The following PODNL1 variants were observed in gnomAD, a reference collection of about 807,000 sequenced individuals.
PODNL1 encodes the protein podocan-like protein 1.
A neutral mutation model predicts 45.1 loss-of-function variants in PODNL1; 50 were observed. That is an observed-to-expected ratio of 1.11 (90% CI 0.88 to 1.40). PODNL1 has a LOEUF of 1.40. PODNL1 is among the 40% of genes most tolerant of loss of function. The probability of loss-of-function intolerance (pLI) is 0.00; values close to 1 mark genes in which losing one functional copy is unlikely to be tolerated. For missense variants in PODNL1, 788 were observed against 793.3 expected, an observed-to-expected ratio of 0.99 and a Z score of 0.08; for synonymous variants, 406 against 372.5, an observed-to-expected ratio of 1.09 and a Z score of -1.04.
chr19:13,941,973 C>T (rs1377741524), upstream of PODNL1, among the ~76,000 whole-genome samples: 1 of 152,104 alleles, frequency 6.6e-6, no homozygotes, highest in Non-Finnish European at 1.5e-5. Context: ...TCAAGTACTC[C>T]CCATGGGATG....
At chr19:13,937,481 C>T (rs952989806) in intron 2 of PODNL1, among the ~76,000 whole-genome samples, 2 of 150,816 alleles carry the variant, frequency 1.3e-5, no homozygotes, top group East Asian at 3.9e-4. Flanking sequence ...CCACAACATC[C>T]CCATAACCCC....
Position 13,933,274 on chromosome 19 carries a change from C to G in PODNL1, c.949G>C (p.Gly317Arg). Residue 317 changes from glycine to arginine, a missense_variant, in exon 8 of 10, where the codon GGG becomes CGG. Gly to Arg is a moderately radical substitution (Grantham distance 125). Around this residue, in one of 3 missense-constraint regions of PODNL1, gnomAD observed 762 missense variants for 750.9 expected, o/e 1.01. Transcript: ENST00000588872. This position sits in a 1 kb window ranked among gnomAD's most constrained non-coding sequence, Gnocchi z 5.2. ...RYLLLQHNQL[G>R]SSGLPAGALR... ...GCCCCGGCGGGCAGCCCTGAGCTCC[C>G]CAGCTGGTTGTGCTGCAGCAACAAA... 6.4e-7 allele frequency: 1 copy of G among 1,566,930 alleles called. No homozygotes were observed. The highest frequency in any genetic ancestry group is 8.6e-7 in the Non-Finnish European group (1 of 1,161,514).
chr19:13,931,851 C>A lies in PODNL1; in HGVS notation c.1611G>T (p.Glu537Asp). 1 of 1,231,958 alleles carries A rather than the reference C, an allele frequency of 8.1e-7. No individual in the cohort carries two copies. Among genetic ancestry groups the A allele is most frequent in the Non-Finnish European group, 1.0e-6 (1 of 987,918 alleles). 76.3% of individuals were successfully genotyped at this position (1,231,958 alleles called of 1,614,324 possible). The change falls in exon 10 of 10, where the codon GAG (glutamate) becomes GAT (aspartate). Residue 537 changes from glutamate (E) to aspartate (D), a missense_variant. Around this residue, in one of 3 missense-constraint regions of PODNL1, gnomAD observed 762 missense variants for 750.9 expected, o/e 1.01. Transcript: ENST00000588872. ...NRLHMTSIAA[E>D]AFLGLPNLRV... ...GCAGGTTTGGGAGCCCCAGGAAGGC[C>A]TCAGCCGCGATGCTCGTCATGTGAA... is the stretch of plus-strand genomic sequence containing the variant.
intron 8 of PODNL1, 84 bp from the exon 9 acceptor site, chr19:13,932,196 C>G: frequency 1.6e-6 from 2 of 1,235,838 alleles, no homozygotes; most frequent in Middle Eastern, 6.2e-4. Context: ...CTCTGAGAGT[C>G]CCCTGCCCCC....
At chr19:13,938,468 A>G, upstream of PODNL1, 2 of 1,246,422 alleles carry the variant, frequency 1.6e-6, no homozygotes, top group Non-Finnish European at 2.0e-6. Flanking sequence ...TCGTAACCTC[A>G]GCCAGCCTGG....
upstream of PODNL1, among the ~76,000 whole-genome samples, chr19:13,941,799 C>A (rs1404629182): frequency 6.6e-6 from 1 of 152,024 alleles, no homozygotes; most frequent in African/African-American, 2.4e-5. Flanking sequence ...GGCGACAGTG[C>A]AAGACTCCAT....
chr19:13,932,662 T>C, intron 8 of PODNL1, 136 bp downstream of exon 8: 1 of 1,556,548 alleles, frequency 6.4e-7, no homozygotes, highest in Middle Eastern at 1.7e-4. Flanking sequence ...AGCCTCCTCA[T>C]CACCTTCTAA....
chr19:13,949,098 C>T (rs988721383), intron 1 of PODNL1, among the ~76,000 whole-genome samples: 6 of 151,644 alleles, frequency 4.0e-5, no homozygotes, highest in Non-Finnish European at 2.9e-5. Flanking sequence ...TAGCTGGGAT[C>T]ATAGGAGCCC....
intron 1 of PODNL1, among the ~76,000 whole-genome samples, chr19:13,950,146 T>C (rs1159174895): frequency 2.0e-5 from 3 of 151,336 alleles, no homozygotes; most frequent in Admixed American, 2.0e-4. Flanking sequence ...GGGATTACAG[T>C]CGTGATCCAC....
intron 5 of PODNL1, 69 bp from the exon 6 acceptor site, chr19:13,934,479 C>G: frequency 2.1e-6 from 3 of 1,417,696 alleles, no homozygotes; most frequent in Non-Finnish European, 2.8e-6. Flanking sequence ...CGCACCACAC[C>G]CTGCTCAGGG....
chr19:13,952,922 C>T (rs1320096111), intron 1 of PODNL1: 8 of 854,090 alleles, frequency 9.4e-6, no homozygotes, highest in Non-Finnish European at 1.4e-5. Context: ...CGGAGGGAGG[C>T]GACCCCAGAG....
rs767331005 is a variant in PODNL1, at chr19:13,932,843, G to A, written c.1380C>T (p.Val460=). 67 of 1,612,286 alleles carry A rather than the reference G, an allele frequency of 4.2e-5. No homozygotes were observed. The highest frequency in any genetic ancestry group is 5.1e-5 in the Non-Finnish European group (60 of 1,179,788). Residue 460 remains valine (V), a synonymous_variant, in exon 8 of 10, where the codon GTC becomes GTT. Coordinates refer to ENST00000588872, the MANE Select transcript of PODNL1 (RefSeq NM_001370095.3). ...GCCAGGTGCCTGGCCCGATGTCGCC[G>A]ACCCGGAGCCGGTTGTGCGCCAGGC... is the stretch of plus-strand genomic sequence containing the variant. ...ELSLAHNRLR[V]GDIGPGTWHE... is the part of the protein sequence containing the mutation.
intron 1 of PODNL1, among the ~76,000 whole-genome samples, chr19:13,948,684 G>A (rs535279369): frequency 8.2e-5 from 12 of 146,932 alleles, no homozygotes; most frequent in African/African-American, 2.3e-4. Context: ...TAATCCCAGC[G>A]CTTTGGGAAG....
chr19:13,952,727 G>T, intron 1 of PODNL1: 4 of 1,302,206 alleles, frequency 3.1e-6, no homozygotes, highest in Middle Eastern at 2.9e-4. Context: ...GGCGTTCGCG[G>T]GGTGAGGGGT....
At chr19:13,938,565 G>C (rs1344422744), upstream of PODNL1, 1 of 756,408 alleles carries the variant, frequency 1.3e-6, no homozygotes, top group East Asian at 8.8e-5. Flanking sequence ...GTAGGGGTGG[G>C]GATGGAGGGA....
At chr19:13,951,074 ATGTTGTGATATTG>A (rs1221529860) in intron 1 of PODNL1, among the ~76,000 whole-genome samples, 104 of 148,676 alleles carry the variant, frequency 7.0e-4, no homozygotes, top group African/African-American at 2.5e-3. Flanking sequence ...AAAAAAAGAT[ATGTTGTGATATTG>A]TGTTGTGATA....
chr19:13,943,180 CAG>C (rs1476852799), upstream of PODNL1, among the ~76,000 whole-genome samples: 1 of 151,836 alleles, frequency 6.6e-6, no homozygotes, highest in Non-Finnish European at 1.5e-5. Flanking sequence ...CCTGTAATCC[CAG>C]CTACTCAGGA....
Position 13,931,989 on chromosome 19 carries a change from G to T in PODNL1, c.1549C>A (p.Pro517Thr). The change falls in exon 9 of 10, where the codon CCC becomes ACC. Residue 517 changes from proline to threonine, a missense_variant. Around this residue, in one of 3 missense-constraint regions of PODNL1, gnomAD observed 762 missense variants for 750.9 expected, o/e 1.01. Coordinates refer to ENST00000588872, the MANE Select transcript of PODNL1 (RefSeq NM_001370095.3). The part of the protein sequence containing the change: ...HVGPEAFLST[P>T]RLRALFLRAN... ...CTGAGGAAGAGGGCACGCAGGCGGG[G>T]TGTGCTGAGGAAGGCCTCGGGGCCC... The T allele has an allele frequency of 8.1e-7, 1 of 1,232,336 alleles. No homozygotes were observed. Among genetic ancestry groups the T allele is most frequent in the Non-Finnish European group, 1.0e-6 (1 of 988,098 alleles). 76.3% of individuals were successfully genotyped at this position (1,232,336 alleles called of 1,614,324 possible). A position where few individuals can be genotyped will look rare whatever the true frequency, so the allele number is the denominator to read the frequency against.
chr19:13,932,958 G>A lies in PODNL1; in HGVS notation c.1265C>T (p.Thr422Ile). Residue 422 changes from threonine to isoleucine, a missense_variant, in exon 8 of 10, where the codon ACT becomes ATT. Physicochemically the swap from Thr to Ile is moderately conservative, Grantham distance 89. Around this residue, in one of 3 missense-constraint regions of PODNL1, gnomAD observed 762 missense variants for 750.9 expected, o/e 1.01. Coordinates refer to ENST00000588872, the MANE Select transcript of PODNL1 (RefSeq NM_001370095.3). ...QLTRLPMGLP[T>I]GLRTLQLQRN... ...TTGCAGCTGCAGGGTGCGCAGGCCA[G>A]TGGGCAGGCCCATGGGCAGCCGGGT... 6.4e-7 allele frequency: 1 copy of A among 1,559,942 alleles called. No individual in the cohort carries two copies. The highest frequency in any genetic ancestry group is 2.4e-5 in the East Asian group (1 of 42,256).
Sources: gnomAD v4.1 joint callset for allele counts (sites outside exome capture counted in the v4.1 genomes callset) on GRCh38, gnomAD v4.1.1 for gene constraint, gnomAD v4.1.1 regional missense constraint, Gnocchi (gnomAD v3.1) non-coding constraint, MANE v1.5 for transcripts, NCBI Gene and HGNC (gene_info 2026-07-23, HGNC 2026-07-21) for gene names.